The following MBNL2 variants were observed in gnomAD, a reference collection of about 807,000 sequenced individuals.
The protein encoded by MBNL2 is muscleblind-like protein 2.
MBNL2 carries 17 observed loss-of-function variants against 41.9 expected under a neutral mutation model. That is an observed-to-expected ratio of 0.41 (90% CI 0.28 to 0.61). MBNL2 has a LOEUF of 0.61. Among genes scored for constraint, MBNL2 ranks in the 20% least tolerant of loss-of-function variants. The pLI is 0.35. For synonymous variants in MBNL2, 195 were observed against 182.9 expected (o/e 1.07, Z -0.53); for missense variants, 336 against 505.6 (o/e 0.66, Z 3.22).
chr13:97,360,027 TAATC>T (rs779255464), intron 7 of MBNL2, among the ~76,000 whole-genome samples: 11 of 152,346 alleles, frequency 7.2e-5, no homozygotes, highest in South Asian at 2.1e-4. Context: ...ATAATGGTAA[TAATC>T]AATCATTGTT....
intron 2 of MBNL2, among the ~76,000 whole-genome samples, chr13:97,310,229 T>C (rs1363737296): frequency 6.6e-6 from 1 of 152,168 alleles, no homozygotes; most frequent in African/African-American, 2.4e-5. Flanking sequence ...ACAAGTCACG[T>C]TCTCTCTCTA....
chr13:97,262,468 G>A (rs1485015927), intron 1 of MBNL2, among the ~76,000 whole-genome samples: 1 of 152,110 alleles, frequency 6.6e-6, no homozygotes, highest in Non-Finnish European at 1.5e-5. Context: ...TTTTTCTGTG[G>A]TTTGCCTTAC....
chr13:97,338,138 G>A (rs1244714241), intron 3 of MBNL2, among the ~76,000 whole-genome samples: 2 of 152,208 alleles, frequency 1.3e-5, no homozygotes, highest in Admixed American at 6.5e-5. Context: ...GGACAAAGCC[G>A]AAACTCTGAC....
intron 1 of MBNL2, 46 bp downstream of exon 1, chr13:97,222,577 C>T (rs2040965874): frequency 7.6e-6 from 3 of 396,698 alleles, no homozygotes; most frequent in Non-Finnish European, 1.3e-5. Flanking sequence ...GAGTTTGCTG[C>T]AGTATGCTGC....
the MBNL2 span, among the ~76,000 whole-genome samples, chr13:97,144,697 T>A: frequency 1.3e-5 from 2 of 151,850 alleles, no homozygotes; most frequent in Non-Finnish European, 2.9e-5. Context: ...CCTCCCAAAG[T>A]GCTGGGATTA....
intron 1 of MBNL2, among the ~76,000 whole-genome samples, chr13:97,231,701 G>A (rs950607616): frequency 6.6e-6 from 1 of 152,120 alleles, no homozygotes; most frequent in Admixed American, 6.5e-5. Flanking sequence ...TTCCCGAGAC[G>A]TCTATCTTCT....
rs1566461026 is a variant in MBNL2 at position 97,393,590 on chromosome 13, AAGG to A, written c.*2148_*2150del. On this transcript the variant is annotated 3_prime_UTR_variant, in exon 9 of 9. Coordinates refer to ENST00000679496, the MANE Select transcript of MBNL2 (RefSeq NM_001382683.1). ...GAGTCATAAATATGCCATTTACAAT[AAGG>A]AGGAGGCAAGGCAAATGCATAGATG... 6.6e-6 allele frequency: 1 copy of A among 152,520 alleles called. No individual in the cohort carries two copies. Among genetic ancestry groups the A allele is most frequent in the Non-Finnish European group, 1.5e-5 (1 of 67,956 alleles). 9.4% of individuals were successfully genotyped at this position (152,520 alleles called of 1,614,324 possible). A position where few individuals can be genotyped will look rare whatever the true frequency, so the allele number is the denominator to read the frequency against.
intron 1 of MBNL2, among the ~76,000 whole-genome samples, chr13:97,271,928 G>C (rs1414850260): frequency 6.6e-6 from 1 of 151,964 alleles, no homozygotes; most frequent in African/African-American, 2.4e-5. Flanking sequence ...TATTCCTTTG[G>C]GTATATATAC....
chr13:97,168,804 GAAACAGTAAATTT>G, the MBNL2 span, among the ~76,000 whole-genome samples: 1 of 152,190 alleles, frequency 6.6e-6, no homozygotes, highest in Non-Finnish European at 1.5e-5. Flanking sequence ...ATGTTTTACA[GAAACAGTAAATTT>G]AATAACATTT....
chr13:97,192,387 A>T, the MBNL2 span, among the ~76,000 whole-genome samples: 3 of 152,226 alleles, frequency 2.0e-5, no homozygotes, highest in Non-Finnish European at 4.4e-5. Flanking sequence ...TCCACCTGGC[A>T]GGTGTCAAAT....
chr13:97,381,806 T>A (rs549293528), intron 8 of MBNL2, among the ~76,000 whole-genome samples: 1 of 151,756 alleles, frequency 6.6e-6, no homozygotes, highest in Non-Finnish European at 1.5e-5. Context: ...TTTCAATGTA[T>A]ACAACAAGGT....
At chr13:97,344,861 A>G (rs1286433705) in intron 4 of MBNL2, among the ~76,000 whole-genome samples, 1 of 152,216 alleles carries the variant, frequency 6.6e-6, no homozygotes, top group Non-Finnish European at 1.5e-5. Context: ...AATCACAATG[A>G]TTTTAGCAGA....
At chr13:97,308,731 G>T (rs1380944814) in intron 2 of MBNL2, among the ~76,000 whole-genome samples, 2 of 152,048 alleles carry the variant, frequency 1.3e-5, no homozygotes, top group African/African-American at 4.8e-5. Flanking sequence ...CCTCTGATTT[G>T]TTCACAAAAG....
At chr13:97,297,231 G>T (rs1241548017) in intron 2 of MBNL2, among the ~76,000 whole-genome samples, 1 of 152,094 alleles carries the variant, frequency 6.6e-6, no homozygotes, top group Non-Finnish European at 1.5e-5. Context: ...CATACATGAG[G>T]TTCTGTCTTT....
chr13:97,247,916 C>T (rs1183352948), intron 1 of MBNL2, among the ~76,000 whole-genome samples: 4 of 152,184 alleles, frequency 2.6e-5, no homozygotes, highest in Non-Finnish European at 4.4e-5. Flanking sequence ...AGTCTCAAAG[C>T]GTATACGACA....
chr13:97,315,349 A>G (rs961137222), intron 2 of MBNL2, among the ~76,000 whole-genome samples: 22 of 152,232 alleles, frequency 1.4e-4, no homozygotes, highest in Non-Finnish European at 1.9e-4. Flanking sequence ...TTTGTTAAGC[A>G]AGCACTGAGC....
intron 1 of MBNL2, among the ~76,000 whole-genome samples, chr13:97,244,316 T>A (rs1176227485): frequency 1.3e-5 from 2 of 152,206 alleles, no homozygotes; most frequent in East Asian, 3.8e-4. Flanking sequence ...CTGTCCTGAA[T>A]AAACACAAGC....
intron 2 of MBNL2, among the ~76,000 whole-genome samples, chr13:97,282,503 G>A (rs1014041062): frequency 2.0e-5 from 3 of 152,200 alleles, no homozygotes; most frequent in African/African-American, 7.2e-5. Context: ...GTTTTTGTCT[G>A]TATATAAATA....
chr13:97,168,965 T>C, the MBNL2 span, among the ~76,000 whole-genome samples: 6 of 152,136 alleles, frequency 3.9e-5, no homozygotes, highest in Non-Finnish European at 7.4e-5. Context: ...TTACAGAAGG[T>C]GTCCCAAATC....
Sources: gnomAD v4.1 joint callset for allele counts (sites outside exome capture counted in the v4.1 genomes callset) on GRCh38, gnomAD v4.1.1 for gene constraint, MANE v1.5 for transcripts, NCBI Gene and HGNC (gene_info 2026-07-23, HGNC 2026-07-21) for gene names.